The following AKR1C8 variants were observed in gnomAD, a reference collection of about 807,000 sequenced individuals.
The protein encoded by AKR1C8 is aldo-keto reductase family 1 member C-like protein 1.
the AKR1C8 span, among the ~76,000 whole-genome samples, chr10:5,148,775 AC>A: frequency 6.6e-6 from 1 of 152,312 alleles, no homozygotes; most frequent in Admixed American, 6.5e-5. Context: ...TGACTCCATT[AC>A]CAAGCTTAAC....
chr10:5,131,138 A>C, the AKR1C8 span, among the ~76,000 whole-genome samples: 3 of 152,028 alleles, frequency 2.0e-5, no homozygotes, highest in African/African-American at 7.2e-5. Context: ...CATGTAGAAG[A>C]ATGAAACTGG....
the AKR1C8 span, among the ~76,000 whole-genome samples, chr10:5,137,396 C>T: frequency 6.6e-6 from 1 of 152,130 alleles, no homozygotes; most frequent in Non-Finnish European, 1.5e-5. Flanking sequence ...AAAAGCTTAT[C>T]CACCAAGATC....
the AKR1C8 span, chr10:5,157,841 A>G: frequency 4.4e-6 from 2 of 450,142 alleles, no homozygotes; most frequent in Non-Finnish European, 9.3e-6. Flanking sequence ...AGGATGCAGG[A>G]TGGAAAATCT....
chr10:5,163,157 C>G, the AKR1C8 span: 106 of 374,380 alleles, frequency 2.8e-4, no homozygotes, highest in African/African-American at 2.0e-3. Flanking sequence ...AGTGACAGAC[C>G]TGTACTCTGA....
chr10:5,138,052 T>C, the AKR1C8 span, among the ~76,000 whole-genome samples: 7 of 151,830 alleles, frequency 4.6e-5, no homozygotes, highest in South Asian at 1.2e-3. Context: ...AAAGCAGAAC[T>C]ACTGATAAGG....
chr10:5,173,450 A>C, the AKR1C8 span, among the ~76,000 whole-genome samples: 3 of 151,976 alleles, frequency 2.0e-5, no homozygotes, highest in Non-Finnish European at 4.4e-5. Flanking sequence ...GGCAGGAGGA[A>C]CCAAAGGGGG....
the AKR1C8 span, among the ~76,000 whole-genome samples, chr10:5,146,542 A>G: frequency 2.0e-5 from 3 of 152,178 alleles, no homozygotes; most frequent in Non-Finnish European, 4.4e-5. Context: ...ATAGTTTACA[A>G]TATGAACTGT....
the AKR1C8 span, among the ~76,000 whole-genome samples, chr10:5,146,171 G>T: frequency 1.5e-5 from 2 of 137,906 alleles, no homozygotes; most frequent in Non-Finnish European, 3.1e-5. Context: ...ACACAGGAAG[G>T]GGAACATCAC....
chr10:5,135,925 CTGA>C, the AKR1C8 span, among the ~76,000 whole-genome samples: 2 of 151,858 alleles, frequency 1.3e-5, no homozygotes, highest in Non-Finnish European at 2.9e-5. Context: ...AAATGCAGTC[CTGA>C]TGATGTTGTA....
the AKR1C8 span, among the ~76,000 whole-genome samples, chr10:5,117,242 A>C: frequency 6.6e-6 from 1 of 152,050 alleles, no homozygotes; most frequent in Admixed American, 6.6e-5. Context: ...TAGTTTCCTG[A>C]GCCAAAATGA....
chr10:5,144,174 A>C, the AKR1C8 span, among the ~76,000 whole-genome samples: 1 of 152,134 alleles, frequency 6.6e-6, no homozygotes, highest in East Asian at 1.9e-4. Context: ...GTCAAAGATC[A>C]GATAGTTGTA....
the AKR1C8 span, chr10:5,154,338 T>C: frequency 3.7e-6 from 1 of 272,796 alleles, no homozygotes; most frequent in Non-Finnish European, 7.9e-6. Context: ...GGGGATGAGA[T>C]GCATTTCTAA....
chr10:5,147,335 G>A, the AKR1C8 span, among the ~76,000 whole-genome samples: 4 of 152,018 alleles, frequency 2.6e-5, no homozygotes, highest in East Asian at 1.9e-4. Context: ...TGGTTTAGAG[G>A]GTCAAATATC....
At chr10:5,147,508 A>G in the AKR1C8 span, among the ~76,000 whole-genome samples, 1 of 151,952 alleles carries the variant, frequency 6.6e-6, no homozygotes, top group Non-Finnish European at 1.5e-5. Context: ...GTGAGTAAAC[A>G]TTCCTTTTCC....
chr10:5,171,156 G>T, the AKR1C8 span, among the ~76,000 whole-genome samples: 1 of 152,002 alleles, frequency 6.6e-6, no homozygotes, highest in Non-Finnish European at 1.5e-5. Flanking sequence ...CTATTTTGAT[G>T]TTACAATCTC....
the AKR1C8 span, among the ~76,000 whole-genome samples, chr10:5,137,109 A>G: frequency 1.3e-5 from 2 of 152,144 alleles, no homozygotes; most frequent in South Asian, 2.1e-4. Context: ...TTTGTTACAA[A>G]ATGCTAACAA....
the AKR1C8 span, among the ~76,000 whole-genome samples, chr10:5,144,125 T>C: frequency 6.6e-6 from 1 of 152,164 alleles, no homozygotes; most frequent in Admixed American, 6.6e-5. Context: ...ATTTATTAAA[T>C]AGGGAATCCT....
chr10:5,164,280 C>T, the AKR1C8 span, among the ~76,000 whole-genome samples: 3 of 152,092 alleles, frequency 2.0e-5, no homozygotes, highest in Non-Finnish European at 4.4e-5. Flanking sequence ...TTCAGAACAG[C>T]CCAGACCCAA....
the AKR1C8 span, among the ~76,000 whole-genome samples, chr10:5,128,554 A>C: frequency 6.6e-6 from 1 of 152,164 alleles, no homozygotes; most frequent in African/African-American, 2.4e-5. Context: ...CCTAACACAT[A>C]AAGATTTGGA....
Sources: gnomAD v4.1 joint callset for allele counts (sites outside exome capture counted in the v4.1 genomes callset) on GRCh38, gnomAD v4.1.1 for gene constraint, MANE v1.5 for transcripts, NCBI Gene and HGNC (gene_info 2026-07-23, HGNC 2026-07-21) for gene names.